Variants in C1orf159 observed in about 807,000 individuals in gnomAD.
The protein encoded by C1orf159 is uncharacterized protein C1orf159.
A neutral mutation model predicts 25.6 loss-of-function variants in C1orf159; 19 were observed. The ratio of observed to expected loss-of-function variants is 0.74; its 90% CI spans 0.52 to 1.09. The LOEUF is 1.09. C1orf159 is among the 50% of genes least tolerant of loss of function. C1orf159 has a pLI of 0.00. For missense variants in C1orf159, 274 were observed against 290.6 expected, an observed-to-expected ratio of 0.94 and a Z score of 0.42; for synonymous variants, 139 against 124.7, an observed-to-expected ratio of 1.12 and a Z score of -0.77.
Position 1,110,691 on chromosome 1 carries a change from C to A in C1orf159, c.-136+5369G>T, listed in dbSNP as rs1435990141. Reference sequence around the variant, plus strand: ...GGGCACGTTCCCAAGAGAAACAACACACGCCCGCCAAACACGTGCACAAAA... The same window carrying A: ...GGGCACGTTCCCAAGAGAAACAACAAACGCCCGCCAAACACGTGCACAAAA... On this transcript the variant is annotated intron_variant, in intron 1 of 9. Transcript: ENST00000421241. The surrounding 1 kb of genome is among the most constrained non-coding windows in gnomAD (Gnocchi z 4.8). Among the ~76,000 whole-genome samples, 1 of 152,082 alleles carries A rather than the reference C, an allele frequency of 6.6e-6. No homozygotes were observed.
At chr1:1,102,616 A>G (rs1451918143) in intron 1 of C1orf159, among the ~76,000 whole-genome samples, 1 of 35,040 alleles carries the variant, frequency 2.9e-5, no homozygotes, top group East Asian at 1.9e-3. Flanking sequence ...GTCTCTACTA[A>G]AAAAAAAAAA....
rs12027296 is a variant in C1orf159, at chr1:1,096,785, T to C, written c.-135-4682A>G. The stretch of plus-strand genomic sequence containing the variant: ...TGTCACCCAGGCTGGAGCAAAGTGG[T>C]GTGACCTCAGCTCACCACAGCCTCA... On this transcript the variant is annotated intron_variant, in intron 1 of 9. Coordinates refer to ENST00000421241, the MANE Select transcript of C1orf159 (RefSeq NM_017891.5). 0.015 allele frequency among the ~76,000 whole-genome samples: 2,220 copies of C among 151,780 alleles called. 189 individuals carry two copies. The East Asian group carries it at 0.25, about 17-fold the overall frequency.
intron 7 of C1orf159, among the ~76,000 whole-genome samples, chr1:1,085,589 CCT>C (rs1491238024): frequency 6.6e-6 from 1 of 152,224 alleles, no homozygotes; most frequent in Non-Finnish European, 1.5e-5. Flanking sequence ...CTCGTGATGC[CCT>C]GAGGGCCCCG....
At position 1,089,306 on chromosome 1, in the gene C1orf159, C is replaced by T. The variant is rs1455470876; in HGVS notation, c.148+1047G>A. ...GCACCCACAGAGTGCCTGGGGTACA[C>T]AATCCCTCACAGGAGACGCCACGGC... On this transcript the variant is annotated intron_variant, in intron 4 of 9. Transcript: ENST00000421241. This position sits in a 1 kb window ranked among gnomAD's most constrained non-coding sequence, Gnocchi z 7.5. Among the ~76,000 whole-genome samples the T allele has an allele frequency of 1.3e-5, 2 of 152,180 alleles. No individual in the cohort carries two copies. The highest frequency in any genetic ancestry group is 2.4e-5 in the African/African-American group (1 of 41,440).
At position 1,082,131 on chromosome 1, in the gene C1orf159, C is replaced by T. The variant is rs1272926187; in HGVS notation, c.*762G>A. The T allele has an allele frequency of 1.3e-5, 2 of 152,586 alleles. No individual in the cohort carries two copies. The highest frequency in any genetic ancestry group is 2.9e-5 in the Non-Finnish European group (2 of 68,178). 9.5% of individuals were successfully genotyped at this position (152,586 alleles called of 1,614,324 possible). A position where few individuals can be genotyped will look rare whatever the true frequency, so the allele number is the denominator to read the frequency against. On this transcript the variant is annotated 3_prime_UTR_variant, in exon 10 of 10. Transcript: ENST00000421241. ...GGCAGCCTTGGCAGGTGCAGTGAGG[C>T]AGTGACTTGTGGGGGTTAGATGTGG...
At chr1:1,113,093 G>A (rs953396662) in intron 1 of C1orf159, among the ~76,000 whole-genome samples, 2 of 152,058 alleles carry the variant, frequency 1.3e-5, no homozygotes, top group African/African-American at 4.8e-5. Context: ...CTACTCGGGA[G>A]GCTGAGGCAG....
At position 1,084,522 on chromosome 1, in the gene C1orf159, C is replaced by T. The variant is rs372598102; in HGVS notation, c.446-16G>A. ...AGGGCCGGAGCTGTGGGGGAGAAAGCGGAGAGTCACCCTGGAGCCCAGGAG... is the reference window on the plus strand; with the variant it reads ...AGGGCCGGAGCTGTGGGGGAGAAAGTGGAGAGTCACCCTGGAGCCCAGGAG... On this transcript the variant is annotated splice_polypyrimidine_tract_variant and intron_variant, in intron 7 of 9. Coordinates refer to ENST00000421241, the MANE Select transcript of C1orf159 (RefSeq NM_017891.5). The T allele has an allele frequency of 1.8e-4, 283 of 1,551,216 alleles. No individual in the cohort carries two copies. The highest frequency in any genetic ancestry group is 2.3e-4 in the Non-Finnish European group (259 of 1,147,774).
chr1:1,102,091 A>C lies in C1orf159; in HGVS notation c.-135-9988T>G, dbSNP rs772189107. Reference sequence around the variant, plus strand: ...TGTCTCAAAAAAAAAAAAAAAAAAAAAAAAACAAACTTTTGAAGTGATGGG... The same window carrying C: ...TGTCTCAAAAAAAAAAAAAAAAAAACAAAAACAAACTTTTGAAGTGATGGG... On this transcript the variant is annotated intron_variant, in intron 1 of 9. Transcript: ENST00000421241. Among the ~76,000 whole-genome samples the C allele has an allele frequency of 4.1e-3, 626 of 150,892 alleles. 2 individuals carry two copies. The highest frequency in any genetic ancestry group is 7.5e-3 in the Non-Finnish European group (509 of 67,772).
chr1:1,087,338 G>A lies in C1orf159; in HGVS notation c.245-134C>T. ...GGGGCGGAGCAGCCCTCACCACAGA[G>A]CTGTCCCGAATGGCCCAGCAGACTC... On this transcript the variant is annotated intron_variant, in intron 5 of 9. Transcript: ENST00000421241. The surrounding 1 kb of genome is among the most constrained non-coding windows in gnomAD (Gnocchi z 8.3). 2 of 1,184,916 alleles carry A rather than the reference G, an allele frequency of 1.7e-6. No individual in the cohort carries two copies. The highest frequency in any genetic ancestry group is 2.3e-6 in the Non-Finnish European group (2 of 858,384). 73.4% of individuals were successfully genotyped at this position (1,184,916 alleles called of 1,614,324 possible).
chr1:1,097,042 G>A (rs1416774380), intron 1 of C1orf159, among the ~76,000 whole-genome samples: 1 of 151,542 alleles, frequency 6.6e-6, no homozygotes, highest in African/African-American at 2.4e-5. Context: ...GATGGCAATA[G>A]TCTATTACTA....
intron 1 of C1orf159, among the ~76,000 whole-genome samples, chr1:1,114,531 C>T (rs1368973901): frequency 6.6e-6 from 1 of 152,190 alleles, no homozygotes; most frequent in East Asian, 1.9e-4. Context: ...TCCCGGGATG[C>T]TGCCTGTGCA....
At position 1,101,489 on chromosome 1, in the gene C1orf159, T is replaced by A. The variant is rs563223518; in HGVS notation, c.-135-9386A>T. Among the ~76,000 whole-genome samples the A allele has an allele frequency of 8.0e-4, 107 of 134,218 alleles. 1 individual carries two copies. Among genetic ancestry groups the A allele is most frequent in the Admixed American group, 1.9e-3 (28 of 14,394 alleles). The allele number at this position is 134,218 out of a possible 152,430, so 88.1% of individuals were successfully genotyped here. A position where few individuals can be genotyped will look rare whatever the true frequency, so the allele number is the denominator to read the frequency against. On this transcript the variant is annotated intron_variant, in intron 1 of 9. Transcript: ENST00000421241. ...CAGAGCAAGACTGTATAAAAAAAAA[T>A]TTTTTTTTAAATCTCACAGACTCAG... is the stretch of plus-strand genomic sequence containing the variant.
chr1:1,099,691 T>G (rs960872565), intron 1 of C1orf159, among the ~76,000 whole-genome samples: 4 of 148,544 alleles, frequency 2.7e-5, no homozygotes, highest in Non-Finnish European at 5.9e-5. Flanking sequence ...TTTGGTCTAT[T>G]GTTCTAAGAA....
At chr1:1,108,673 A>C (rs1646213784) in intron 1 of C1orf159, among the ~76,000 whole-genome samples, 1 of 92,520 alleles carries the variant, frequency 1.1e-5, no homozygotes, top group African/African-American at 5.4e-5. Flanking sequence ...AGCACCGTTC[A>C]CCACAGCCAC....
chr1:1,103,769 C>T (rs535921205), intron 1 of C1orf159, among the ~76,000 whole-genome samples: 4 of 152,256 alleles, frequency 2.6e-5, no homozygotes, highest in East Asian at 1.9e-4. Context: ...CTCCCTCTGT[C>T]GCCCAGGCAG....
chr1:1,109,288 T>C (rs929015638), intron 1 of C1orf159, among the ~76,000 whole-genome samples: 1 of 152,164 alleles, frequency 6.6e-6, no homozygotes, highest in Non-Finnish European at 1.5e-5. Context: ...ACAGGACAAA[T>C]ACTGTATGAT....
chr1:1,109,870 A>G (rs567742962), intron 1 of C1orf159, among the ~76,000 whole-genome samples: 7 of 152,204 alleles, frequency 4.6e-5, no homozygotes, highest in East Asian at 1.9e-4. Context: ...CACATCCTCC[A>G]TAGACCAGCA....
At position 1,083,863 on chromosome 1, in the gene C1orf159, C is replaced by T. The variant is rs1421362270; in HGVS notation, c.502+490G>A. ...ATGGCCTTGGAGCTGTGTGGCTGTG[C>T]GCCGGTCACTCAGCCTGTGTCTGTG... On this transcript the variant is annotated intron_variant, in intron 9 of 9. Transcript: ENST00000421241. 1.4e-5 allele frequency: 21 copies of T among 1,469,478 alleles called. 1 individual carries two copies. Among genetic ancestry groups the T allele is most frequent in the South Asian group, 7.4e-5 (6 of 80,890 alleles). The allele number at this position is 1,469,478 out of a possible 1,614,324, so 91.0% of individuals were successfully genotyped here. A position where few individuals can be genotyped will look rare whatever the true frequency, so the allele number is the denominator to read the frequency against.
intron 1 of C1orf159, among the ~76,000 whole-genome samples, chr1:1,099,980 G>T (rs900106464): frequency 7.6e-6 from 1 of 131,738 alleles, no homozygotes; most frequent in Non-Finnish European, 1.6e-5. Context: ...AGTTCAGTGT[G>T]ATGGCACATG....
Sources: allele counts gnomAD v4.1 joint callset (sites outside exome capture counted in the v4.1 genomes callset), GRCh38; gene constraint gnomAD v4.1.1; non-coding constraint Gnocchi (gnomAD v3.1); transcripts MANE v1.5; gene names NCBI Gene and HGNC (gene_info 2026-07-23, HGNC 2026-07-21).